The following DCC variants were observed in gnomAD, a reference collection of about 807,000 sequenced individuals.
DCC encodes the protein netrin receptor DCC.
DCC carries 58 observed loss-of-function variants against 172.5 expected under a neutral mutation model. That is an observed-to-expected ratio of 0.34 (90% CI 0.27 to 0.42). The LOEUF (loss-of-function observed/expected upper bound fraction) is 0.42. DCC is among the 10% of genes least tolerant of loss of function. The pLI is 1.00. For missense variants in DCC, 1,740 were observed against 1,791.0 expected, an observed-to-expected ratio of 0.97 and a Z score of 0.51; for synonymous variants, 709 against 644.5, an observed-to-expected ratio of 1.10 and a Z score of -1.52.
chr18:53,298,481 T>G (rs1486294898), intron 12 of DCC, among the ~76,000 whole-genome samples: 2 of 130,788 alleles, frequency 1.5e-5, no homozygotes, highest in South Asian at 2.4e-4. Flanking sequence ...TGAGCCCTGA[T>G]TGCACCACTG....
At chr18:53,177,712 C>G (rs146138270) in intron 8 of DCC, among the ~76,000 whole-genome samples, 71 of 152,252 alleles carry the variant, frequency 4.7e-4, no homozygotes, top group African/African-American at 1.6e-3. Flanking sequence ...CTGGAATCAG[C>G]ACACATCACA....
intron 1 of DCC, among the ~76,000 whole-genome samples, chr18:52,590,942 T>C (rs924526778): frequency 2.0e-5 from 3 of 152,254 alleles, no homozygotes; most frequent in Non-Finnish European, 4.4e-5. Flanking sequence ...AGTAGATGAA[T>C]GTCTTCACAT....
intron 17 of DCC, among the ~76,000 whole-genome samples, chr18:53,395,712 G>A (rs1908886592): frequency 6.6e-6 from 1 of 152,044 alleles, no homozygotes; most frequent in Admixed American, 6.6e-5. Flanking sequence ...GCCTGATCTT[G>A]GCTCACTGCA....
intron 3 of DCC, among the ~76,000 whole-genome samples, chr18:52,922,520 T>G (rs1015164344): frequency 1.3e-5 from 2 of 152,160 alleles, no homozygotes; most frequent in Non-Finnish European, 2.9e-5. Flanking sequence ...CATTGCCTCA[T>G]TTTCTTTGCA....
At chr18:53,352,806 T>C (rs2057828000) in intron 15 of DCC, among the ~76,000 whole-genome samples, 1 of 152,186 alleles carries the variant, frequency 6.6e-6, no homozygotes, top group African/African-American at 2.4e-5. Flanking sequence ...CACCTTTGTA[T>C]ATGTGTATGT....
chr18:52,880,420 A>T (rs1006507255), intron 2 of DCC, among the ~76,000 whole-genome samples: 4 of 152,132 alleles, frequency 2.6e-5, no homozygotes, highest in African/African-American at 9.7e-5. Flanking sequence ...AAGTGTTAGG[A>T]TTACAGGCGT....
At chr18:53,161,255 G>T (rs564052660) in intron 8 of DCC, among the ~76,000 whole-genome samples, 1 of 152,180 alleles carries the variant, frequency 6.6e-6, no homozygotes, top group Non-Finnish European at 1.5e-5. Flanking sequence ...ATAACCTCCT[G>T]TTGCTAACCC....
intron 1 of DCC, among the ~76,000 whole-genome samples, chr18:52,701,903 T>G (rs1181341483): frequency 6.6e-6 from 1 of 152,194 alleles, no homozygotes; most frequent in Admixed American, 6.5e-5. Flanking sequence ...TAGTTATTAT[T>G]GCTCCTTGTG....
chr18:52,704,721 G>A (rs767644414), intron 1 of DCC, among the ~76,000 whole-genome samples: 2 of 152,150 alleles, frequency 1.3e-5, no homozygotes, highest in Admixed American at 6.6e-5. Context: ...CCTTTGTCAC[G>A]CACTTAAGGT....
At chr18:53,480,230 T>G (rs1005703803) in intron 25 of DCC, among the ~76,000 whole-genome samples, 4 of 152,128 alleles carry the variant, frequency 2.6e-5, no homozygotes, top group African/African-American at 9.7e-5. Flanking sequence ...GGTCTTAAAG[T>G]TTCCTTCTCA....
In DCC at chr18:53,240,987, A is replaced by C. The variant is rs192231812; in HGVS notation, c.1911+25390A>C. Among the ~76,000 whole-genome samples the C allele has an allele frequency of 2.3e-3, 345 of 152,268 alleles. 1 individual carries two copies. Among genetic ancestry groups the C allele is most frequent in the Non-Finnish European group, 5.0e-4 (34 of 68,018 alleles). ...GCTCTTGGTGCAGAAGAGCCACTGA[A>C]ATGTGCTGGGGAGTTGGAAAGTCCT... is the stretch of plus-strand genomic sequence containing the variant. On this transcript the variant is annotated intron_variant, in intron 12 of 28. Coordinates refer to ENST00000442544, the MANE Select transcript of DCC (RefSeq NM_005215.4).
chr18:53,034,094 G>A (rs1429425173), intron 5 of DCC, among the ~76,000 whole-genome samples: 2 of 151,920 alleles, frequency 1.3e-5, no homozygotes, highest in Non-Finnish European at 2.9e-5. Flanking sequence ...CTTTTTGAGA[G>A]AGAAGATGAT....
Position 53,244,819 on chromosome 18 carries a change from A to G in DCC, c.1911+29222A>G, listed in dbSNP as rs543922409. On this transcript the variant is annotated intron_variant, in intron 12 of 28. Transcript: ENST00000442544. ...AATCTGGTTTACATATTCCTAATTTATCTTTACCCCAGAATCACAGTGTGT... is the reference window on the plus strand; with the variant it reads ...AATCTGGTTTACATATTCCTAATTTGTCTTTACCCCAGAATCACAGTGTGT... Among the ~76,000 whole-genome samples the G allele has an allele frequency of 2.5e-4, 38 of 152,252 alleles. No individual in the cohort carries two copies. The East Asian group carries it at 6.2e-3, about 25-fold the overall frequency.
intron 1 of DCC, among the ~76,000 whole-genome samples, chr18:52,526,175 A>G (rs1275938919): frequency 1.3e-5 from 2 of 152,214 alleles, no homozygotes; most frequent in African/African-American, 4.8e-5. Flanking sequence ...GGATTTAGTA[A>G]ACCTTATCTG....
chr18:52,681,955 C>G (rs2035756890), intron 1 of DCC, among the ~76,000 whole-genome samples: 1 of 152,080 alleles, frequency 6.6e-6, no homozygotes, highest in African/African-American at 2.4e-5. Context: ...TTTATCTCAC[C>G]TAAATCTAGA....
intron 18 of DCC, 94 bp from the exon 19 acceptor site, chr18:53,402,692 A>C: frequency 1.1e-6 from 1 of 924,748 alleles, no homozygotes. Context: ...ACTTCTTGAT[A>C]GATTCTGAAT....
In DCC at chr18:52,923,864, C is replaced by T; in HGVS notation, c.848+7C>T. 6.2e-7 allele frequency: 1 copy of T among 1,610,296 alleles called. No individual in the cohort carries two copies. Among genetic ancestry groups the T allele is most frequent in the Non-Finnish European group, 8.5e-7 (1 of 1,176,820 alleles). Reference sequence around the variant, plus strand: ...AGGAAGTCATCCAACTCAGGTATTTCACATTTAAGACTTTTTTGTAAAGTG... The same window carrying T: ...AGGAAGTCATCCAACTCAGGTATTTTACATTTAAGACTTTTTTGTAAAGTG... On this transcript the variant is annotated splice_region_variant and intron_variant, in intron 4 of 28. Coordinates refer to ENST00000442544, the MANE Select transcript of DCC (RefSeq NM_005215.4).
At chr18:52,718,358 T>C in intron 1 of DCC, among the ~76,000 whole-genome samples, 1 of 152,244 alleles carries the variant, frequency 6.6e-6, no homozygotes, top group Admixed American at 6.5e-5. Flanking sequence ...TGAATAGTAT[T>C]TCTATTTTTT....
intron 1 of DCC, among the ~76,000 whole-genome samples, chr18:52,454,651 T>C (rs550242897): frequency 4.6e-5 from 7 of 152,318 alleles, no homozygotes; most frequent in Admixed American, 2.6e-4. Flanking sequence ...GTAGTGTTTT[T>C]ACTTGAATTT....
Sources: gnomAD v4.1 joint callset for allele counts (sites outside exome capture counted in the v4.1 genomes callset) on GRCh38, gnomAD v4.1.1 for gene constraint, MANE v1.5 for transcripts, NCBI Gene and HGNC (gene_info 2026-07-23, HGNC 2026-07-21) for gene names.